The following DMD variants were observed in gnomAD, a reference collection of about 807,000 sequenced individuals.
DMD encodes mutant dystrophin.
DMD carries 63 observed loss-of-function variants against 330.1 expected under a neutral mutation model. The ratio of observed to expected loss-of-function variants is 0.19; its 90% CI spans 0.16 to 0.24. The LOEUF is 0.24. Among genes scored for constraint, DMD ranks in the 10% least tolerant of loss-of-function variants. The pLI is 1.00. For synonymous variants in DMD, 1,223 were observed against 959.8 expected (o/e 1.27, Z -5.07); for missense variants, 3,344 against 2,684.1 (o/e 1.25, Z -5.43).
At chrX:32,454,303 T>C (rs2098346060) in intron 26 of DMD, among the ~76,000 whole-genome samples, 1 of 111,337 alleles carries the variant, frequency 9.0e-6, no homozygotes, top group Non-Finnish European at 1.9e-5. Context: ...GACTACATTA[T>C]AAATTTGTCT....
intron 9 of DMD, among the ~76,000 whole-genome samples, chrX:32,653,765 C>T: frequency 8.9e-6 from 1 of 111,813 alleles, no homozygotes; most frequent in Admixed American, 9.5e-5. Context: ...GCCATTTTCA[C>T]AATATTGATT....
intron 2 of DMD, among the ~76,000 whole-genome samples, chrX:32,867,023 C>T (rs1243931866): frequency 9.0e-6 from 1 of 111,664 alleles, no homozygotes; most frequent in South Asian, 3.7e-4. Context: ...CCTGAACCAC[C>T]GTACCCGGCC....
chrX:31,605,137 CTGTCTAGCAGCT>C (rs1458850136), intron 55 of DMD, among the ~76,000 whole-genome samples: 1 of 111,939 alleles, frequency 8.9e-6, no homozygotes, highest in African/African-American at 3.2e-5. Context: ...AAATTTATGC[CTGTCTAGCAGCT>C]TGTAGCTGTG....
intron 9 of DMD, among the ~76,000 whole-genome samples, chrX:32,650,587 C>T (rs2060084796): frequency 1.8e-5 from 2 of 111,749 alleles, no homozygotes; most frequent in African/African-American, 6.5e-5. Flanking sequence ...AGATATAACA[C>T]GTAAACCAAG....
chrX:32,794,503 G>C (rs751779017), intron 7 of DMD, among the ~76,000 whole-genome samples: 1 of 111,416 alleles, frequency 9.0e-6, no homozygotes, highest in African/African-American at 3.3e-5. Context: ...GCAAGAGAAC[G>C]GCATGAACCC....
chrX:31,969,737 T>G (rs927638632), intron 44 of DMD, among the ~76,000 whole-genome samples: 5 of 112,020 alleles, frequency 4.5e-5, no homozygotes, highest in Non-Finnish European at 7.5e-5. Context: ...CTGGAAATTT[T>G]GGTAGCATAC....
rs780302100 is a variant in DMD, at chrX:31,688,299, A to C, written c.7661-8713T>G. On this transcript the variant is annotated intron_variant, in intron 52 of 78. Coordinates refer to ENST00000357033, the MANE Select transcript of DMD (RefSeq NM_004006.3). ...TGATAAAGGGGATATCACCACCGAC[A>C]CCACAGAAATACAAACTACCATCAG... 6.4e-3 allele frequency among the ~76,000 whole-genome samples: 713 copies of C among 110,960 alleles called. 3 individuals carry two copies. The highest frequency in any genetic ancestry group is 9.7e-3 in the Admixed American group (101 of 10,442).
At chrX:31,350,094 C>A (rs931687579) in intron 60 of DMD, among the ~76,000 whole-genome samples, 6 of 111,244 alleles carry the variant, frequency 5.4e-5, no homozygotes, top group African/African-American at 1.6e-4. Context: ...TTTATATACA[C>A]AAAAGCATGA....
intron 41 of DMD, among the ~76,000 whole-genome samples, chrX:32,310,613 A>C (rs2097558749): frequency 9.0e-6 from 1 of 110,996 alleles, no homozygotes; most frequent in Non-Finnish European, 1.9e-5. Flanking sequence ...TCTAATTCTA[A>C]TTTGCAACTG....
At chrX:32,404,474 G>C (rs2098106040) in intron 30 of DMD, among the ~76,000 whole-genome samples, 1 of 111,169 alleles carries the variant, frequency 9.0e-6, no homozygotes, top group East Asian at 2.8e-4. Flanking sequence ...AATGAGATCA[G>C]AATTCTTTGG....
At chrX:31,921,497 G>A (rs1358317592) in intron 47 of DMD, among the ~76,000 whole-genome samples, 2 of 111,911 alleles carry the variant, frequency 1.8e-5, no homozygotes, top group East Asian at 5.6e-4. Flanking sequence ...GTAGCACATA[G>A]TTCAGCTTTC....
In DMD at chrX:32,345,906, C is replaced by A. The variant is rs750566076; in HGVS notation, c.5586+37G>T. On this transcript the variant is annotated intron_variant, in intron 39 of 78. Transcript: ENST00000357033. ...TTTTACCCTATATATTAAAAAAAAA[C>A]CACAGGCAAGGTATATTATAATTTT... 3.0e-5 allele frequency: 36 copies of A among 1,193,125 alleles called. 1 individual carries two copies. In the Admixed American group the frequency reaches 4.9e-4, roughly 16 times the overall value.
At chrX:31,134,255 G>A in intron 76 of DMD, 61 bp from the exon 77 acceptor site, 1 of 927,694 alleles carries the variant, frequency 1.1e-6, no homozygotes, top group Non-Finnish European at 1.5e-6. Context: ...ATATTAAAGG[G>A]CCATGATTAC....
chrX:31,178,642 G>A, intron 70 of DMD, 27 bp downstream of exon 70: 1 of 1,197,009 alleles, frequency 8.4e-7, no homozygotes, highest in South Asian at 1.8e-5. Context: ...TCAAACAAGA[G>A]TGTGTTCTGC....
At chrX:32,197,873 C>A (rs952878084) in intron 44 of DMD, among the ~76,000 whole-genome samples, 1 of 110,965 alleles carries the variant, frequency 9.0e-6, no homozygotes, top group Non-Finnish European at 1.9e-5. Flanking sequence ...TAGTAATTTT[C>A]GAAAACATAT....
rs1016253248 is a variant in DMD, at chrX:32,683,407, T to C, written c.960+14463A>G. Among the ~76,000 whole-genome samples, 6 of 109,434 alleles carry C rather than the reference T, an allele frequency of 5.5e-5. No homozygotes were observed. In the East Asian group the frequency reaches 1.4e-3, roughly 26 times the overall value. On this transcript the variant is annotated intron_variant, in intron 9 of 78. Coordinates refer to ENST00000357033, the MANE Select transcript of DMD (RefSeq NM_004006.3). ...TGGAATCAACCCAAATGTCCAACAA[T>C]GATAGACTGGATTAAGAAAATGTGC...
At chrX:31,333,406 CCTTTTT>C (rs1297087938) in intron 61 of DMD, among the ~76,000 whole-genome samples, 1 of 75,231 alleles carries the variant, frequency 1.3e-5, no homozygotes, top group African/African-American at 5.5e-5. Flanking sequence ...GCTGCCCCCG[CCTTTTT>C]TTTTTTTTTT....
chrX:31,538,976 C>T (rs1270175694), intron 55 of DMD, among the ~76,000 whole-genome samples: 1 of 111,755 alleles, frequency 8.9e-6, no homozygotes, highest in African/African-American at 3.3e-5. Flanking sequence ...ATTTTTTCCT[C>T]AGACTCTCTC....
chrX:32,617,905 G>A (rs965574477), intron 11 of DMD, among the ~76,000 whole-genome samples: 2 of 111,383 alleles, frequency 1.8e-5, no homozygotes, highest in Admixed American at 9.6e-5. Flanking sequence ...ATTAAAAATA[G>A]GCAAAAGACC....
Sources: gnomAD v4.1 joint callset for allele counts (sites outside exome capture counted in the v4.1 genomes callset) on GRCh38, gnomAD v4.1.1 for gene constraint, MANE v1.5 for transcripts, NCBI Gene and HGNC (gene_info 2026-07-23, HGNC 2026-07-21) for gene names.